LRP1B: variants seen among roughly 807,000 people sequenced by gnomAD.
LRP1B encodes the protein LDL receptor related protein 1B, also known as low-density lipoprotein receptor-related protein 1B.
Under a neutral mutation model 556.6 loss-of-function variants are expected in LRP1B, and 217 were observed. The observed-to-expected ratio is 0.39, with a 90% CI of 0.35 to 0.44. The LOEUF (loss-of-function observed/expected upper bound fraction) is 0.44, where lower values mean the gene tolerates loss of function less well. Among genes scored for constraint, LRP1B ranks in the 20% least tolerant of loss-of-function variants. The pLI is 1.00. For missense variants in LRP1B, 5,053 were observed against 5,620.8 expected, an observed-to-expected ratio of 0.90 and a Z score of 3.23; for synonymous variants, 2,047 against 1,865.8, an observed-to-expected ratio of 1.10 and a Z score of -2.50.
intron 10 of LRP1B, among the ~76,000 whole-genome samples, chr2:141,053,512 T>C (rs745518589): frequency 3.9e-5 from 6 of 151,998 alleles, no homozygotes; most frequent in Non-Finnish European, 8.8e-5. Flanking sequence ...AACATTTTCA[T>C]TTGTGGCTCC....
chr2:141,023,227 A>G (rs1437571289), intron 11 of LRP1B, among the ~76,000 whole-genome samples: 1 of 150,826 alleles, frequency 6.6e-6, no homozygotes, highest in Non-Finnish European at 1.5e-5. Flanking sequence ...AAAATAACTT[A>G]TATGAATGGA....
intron 1 of LRP1B, among the ~76,000 whole-genome samples, chr2:141,884,417 T>C (rs988365955): frequency 6.6e-6 from 1 of 152,122 alleles, no homozygotes; most frequent in African/African-American, 2.4e-5. Context: ...AAGGTAATTT[T>C]TCTGGATCTA....
intron 3 of LRP1B, among the ~76,000 whole-genome samples, chr2:141,289,105 C>CG (rs1685839545): frequency 6.9e-6 from 1 of 145,850 alleles, no homozygotes; most frequent in Non-Finnish European, 1.5e-5. Context: ...CAAATGCGGC[C>CG]GGGCGCGGTG....
intron 6 of LRP1B, among the ~76,000 whole-genome samples, chr2:141,195,048 T>G (rs1408455647): frequency 6.6e-6 from 1 of 152,134 alleles, no homozygotes; most frequent in Non-Finnish European, 1.5e-5. Context: ...GAGATGAAGC[T>G]TAATTCTCCT....
chr2:141,258,562 T>C (rs1212041235), intron 3 of LRP1B, among the ~76,000 whole-genome samples: 2 of 152,186 alleles, frequency 1.3e-5, no homozygotes, highest in East Asian at 1.9e-4. Flanking sequence ...AGATCCACTT[T>C]GTTCTGTTTT....
intron 32 of LRP1B, among the ~76,000 whole-genome samples, chr2:140,798,246 A>G (rs1690385706): frequency 6.6e-6 from 1 of 152,192 alleles, no homozygotes; most frequent in Admixed American, 6.6e-5. Flanking sequence ...AAATTGTTGA[A>G]TCAGTAAACA....
intron 3 of LRP1B, among the ~76,000 whole-genome samples, chr2:141,282,458 G>A (rs1013917119): frequency 2.1e-4 from 15 of 73,108 alleles, no homozygotes; most frequent in Non-Finnish European, 3.6e-4. Context: ...TGGGCCTCTC[G>A]GGGGTTTTAT....
intron 2 of LRP1B, among the ~76,000 whole-genome samples, chr2:141,550,474 G>C (rs534301909): frequency 6.6e-6 from 1 of 152,160 alleles, no homozygotes; most frequent in Admixed American, 6.5e-5. Flanking sequence ...ATTGATTTTT[G>C]AATGTCTCAC....
intron 41 of LRP1B, among the ~76,000 whole-genome samples, chr2:140,689,785 T>C (rs545230226): frequency 1.8e-4 from 28 of 152,276 alleles, no homozygotes; most frequent in Middle Eastern, 3.4e-3. Flanking sequence ...CACAGGTTTC[T>C]AGTAAAGTTC....
chr2:141,766,747 C>T (rs894002728), intron 2 of LRP1B, among the ~76,000 whole-genome samples: 12 of 152,104 alleles, frequency 7.9e-5, no homozygotes, highest in Admixed American at 7.2e-4. Flanking sequence ...GAATGTCTTT[C>T]CCATCTTTCT....
In LRP1B at chr2:140,740,672, A is replaced by G. The variant is rs1688106077; in HGVS notation, c.5759-23856T>C. ...AAACCTATGGAAAAAGAAAAATGAA[A>G]TTTATTCTCTACGTTCTGGAAGCTA... On this transcript the variant is annotated intron_variant, in intron 35 of 90. Coordinates refer to ENST00000389484, the MANE Select transcript of LRP1B (RefSeq NM_018557.3). Among the ~76,000 whole-genome samples, 3 of 152,062 alleles carry G rather than the reference A, an allele frequency of 2.0e-5. No homozygotes were observed. The East Asian group carries it at 5.8e-4, about 29-fold the overall frequency.
In LRP1B at chr2:140,664,255, A is replaced by G. The variant is rs1345084564; in HGVS notation, c.6799+35995T>C. ...AGTGAGCACATGTTATTGGAAAAAT[A>G]GTGCCAACAGACTTGCTCAATGCAA... On this transcript the variant is annotated intron_variant, in intron 41 of 90. Coordinates refer to ENST00000389484, the MANE Select transcript of LRP1B (RefSeq NM_018557.3). Among the ~76,000 whole-genome samples, 4 of 152,246 alleles carry G rather than the reference A, an allele frequency of 2.6e-5. 1 individual carries two copies. The highest frequency in any genetic ancestry group is 9.6e-5 in the African/African-American group (4 of 41,474).
intron 51 of LRP1B, 33 bp downstream of exon 51, chr2:140,514,620 A>G (rs1271400215): frequency 1.3e-6 from 2 of 1,585,256 alleles, no homozygotes; most frequent in Non-Finnish European, 1.7e-6. Context: ...TAATGCTTAA[A>G]AACTGATTGA....
At chr2:140,478,868 G>T (rs1688096147) in intron 59 of LRP1B, among the ~76,000 whole-genome samples, 1 of 151,780 alleles carries the variant, frequency 6.6e-6, no homozygotes, top group African/African-American at 2.4e-5. Flanking sequence ...GCAAATATTA[G>T]CTATTATTAT....
chr2:141,607,203 A>G (rs1033568432), intron 2 of LRP1B, among the ~76,000 whole-genome samples: 6 of 152,218 alleles, frequency 3.9e-5, no homozygotes, highest in Non-Finnish European at 7.3e-5. Flanking sequence ...ACATTTCTCA[A>G]AACAGACATA....
At chr2:141,606,145 G>A (rs1027152525) in intron 2 of LRP1B, among the ~76,000 whole-genome samples, 3 of 151,930 alleles carry the variant, frequency 2.0e-5, no homozygotes, top group African/African-American at 7.3e-5. Flanking sequence ...AAATAAAATT[G>A]GCCACATTAT....
intron 2 of LRP1B, among the ~76,000 whole-genome samples, chr2:141,577,088 G>A (rs1686779864): frequency 6.6e-6 from 1 of 152,040 alleles, no homozygotes; most frequent in Non-Finnish European, 1.5e-5. Context: ...AATTGTAACT[G>A]CAACTAGAAC....
At chr2:140,879,555 T>C (rs1050445665) in intron 25 of LRP1B, among the ~76,000 whole-genome samples, 6 of 152,026 alleles carry the variant, frequency 3.9e-5, no homozygotes, top group African/African-American at 1.2e-4. Context: ...TTCAAAACAA[T>C]CTTAAGAGCT....
At chr2:141,378,506 CT>C in intron 3 of LRP1B, among the ~76,000 whole-genome samples, 1 of 152,188 alleles carries the variant, frequency 6.6e-6, no homozygotes, top group African/African-American at 2.4e-5. Flanking sequence ...GAGAAACCAT[CT>C]CTAAACAAGT....
Sources: allele counts gnomAD v4.1 joint callset (sites outside exome capture counted in the v4.1 genomes callset), GRCh38; gene constraint gnomAD v4.1.1; transcripts MANE v1.5; gene names NCBI Gene and HGNC (gene_info 2026-07-23, HGNC 2026-07-21).